LRRC4C: variants seen among roughly 807,000 people sequenced by gnomAD.
LRRC4C encodes leucine-rich repeat-containing protein 4C.
LRRC4C carries 5 observed loss-of-function variants against 33.6 expected under a neutral mutation model. The ratio of observed to expected loss-of-function variants is 0.15; its 90% confidence interval spans 0.08 to 0.31. LRRC4C has a LOEUF of 0.31. Among genes scored for constraint, LRRC4C ranks in the 10% least tolerant of loss-of-function variants. The pLI is 1.00. For synonymous variants in LRRC4C, 329 were observed against 302.0 expected (o/e 1.09, Z -0.93); for missense variants, 560 against 796.7 (o/e 0.70, Z 3.58).
At chr11:40,503,526 C>T (rs1032509661) in intron 3 of LRRC4C, among the ~76,000 whole-genome samples, 8 of 152,152 alleles carry the variant, frequency 5.3e-5, no homozygotes, top group Non-Finnish European at 8.8e-5. Flanking sequence ...TATGCACATT[C>T]TTAGATATTA....
At chr11:40,971,618 T>G (rs1010072451) in intron 1 of LRRC4C, among the ~76,000 whole-genome samples, 1 of 152,134 alleles carries the variant, frequency 6.6e-6, no homozygotes, top group Non-Finnish European at 1.5e-5. Context: ...GAGTTCCCAC[T>G]GGGGTACTGC....
chr11:40,652,646 G>T (rs1942875220), intron 2 of LRRC4C, among the ~76,000 whole-genome samples: 1 of 152,224 alleles, frequency 6.6e-6, no homozygotes. Context: ...CTCACGTCCA[G>T]CTAGGAGCAG....
At chr11:40,778,749 A>G (rs1316510863) in intron 2 of LRRC4C, among the ~76,000 whole-genome samples, 2 of 152,190 alleles carry the variant, frequency 1.3e-5, no homozygotes, top group Non-Finnish European at 2.9e-5. Context: ...TGTGTGGCAG[A>G]AATGTTATAC....
At position 40,116,284 on chromosome 11, in the gene LRRC4C, G is replaced by A; in HGVS notation, c.9C>T (p.Asn3=). 2 of 1,587,864 alleles carry A rather than the reference G, an allele frequency of 1.3e-6. No individual in the cohort carries two copies. The highest frequency in any genetic ancestry group is 8.6e-7 in the Non-Finnish European group (1 of 1,162,676). Residue 3 remains asparagine, a synonymous_variant, in exon 7 of 7, where the codon AAC becomes AAT. Transcript: ENST00000528697. ML[N]KMTLHPQQIM... ...TCTGCTGTGGATGTAAGGTCATCTT[G>A]TTCAACATTCATAATTTATCTGGTG...
At chr11:40,314,466 A>T (rs1319155681) in intron 4 of LRRC4C, among the ~76,000 whole-genome samples, 2 of 152,140 alleles carry the variant, frequency 1.3e-5, no homozygotes, top group East Asian at 3.9e-4. Context: ...AAACAAGTAC[A>T]ACCACCATGA....
chr11:40,480,290 C>CA (rs1565431204), intron 3 of LRRC4C, among the ~76,000 whole-genome samples: 1 of 149,740 alleles, frequency 6.7e-6, no homozygotes, highest in African/African-American at 2.5e-5. Flanking sequence ...CTTGCTTCTG[C>CA]TTTTTTTTTA....
intron 2 of LRRC4C, among the ~76,000 whole-genome samples, chr11:40,924,125 T>C (rs1165373801): frequency 6.7e-6 from 1 of 149,940 alleles, no homozygotes; most frequent in Admixed American, 6.7e-5. Flanking sequence ...TGTGTGTGTA[T>C]ATATATATAT....
At chr11:40,229,806 T>A (rs1288391866) in intron 5 of LRRC4C, among the ~76,000 whole-genome samples, 1 of 152,204 alleles carries the variant, frequency 6.6e-6, no homozygotes, top group Non-Finnish European at 1.5e-5. Flanking sequence ...AGACCTGATA[T>A]GCTCCAGATA....
At chr11:40,963,408 A>T (rs1234885250) in intron 1 of LRRC4C, among the ~76,000 whole-genome samples, 1 of 151,742 alleles carries the variant, frequency 6.6e-6, no homozygotes, top group Non-Finnish European at 1.5e-5. Context: ...TCAACATGGG[A>T]TAAATTGTTT....
chr11:40,854,060 C>T (rs780695313), intron 2 of LRRC4C, among the ~76,000 whole-genome samples: 2 of 152,090 alleles, frequency 1.3e-5, no homozygotes, highest in Non-Finnish European at 2.9e-5. Context: ...GTAGGCGTCA[C>T]AGAAAAAAAG....
At chr11:41,182,127 A>G (rs1047154546) in intron 1 of LRRC4C, among the ~76,000 whole-genome samples, 28 of 152,214 alleles carry the variant, frequency 1.8e-4, no homozygotes, top group Admixed American at 6.5e-5. Flanking sequence ...ACTTTTTTAA[A>G]GCAATTATAC....
At chr11:40,180,995 A>G (rs1860948880) in intron 5 of LRRC4C, among the ~76,000 whole-genome samples, 1 of 152,208 alleles carries the variant, frequency 6.6e-6, no homozygotes, top group Non-Finnish European at 1.5e-5. Flanking sequence ...TAATAGAGAC[A>G]GTAGTCTTGT....
chr11:40,212,748 G>A (rs1178876587), intron 5 of LRRC4C, among the ~76,000 whole-genome samples: 5 of 152,124 alleles, frequency 3.3e-5, no homozygotes, highest in Non-Finnish European at 7.3e-5. Flanking sequence ...AGGATGCTAA[G>A]TAACTTGTAC....
intron 3 of LRRC4C, among the ~76,000 whole-genome samples, chr11:40,507,900 T>C (rs2138688190): frequency 6.6e-6 from 1 of 152,098 alleles, no homozygotes; most frequent in East Asian, 1.9e-4. Flanking sequence ...CCACCACACC[T>C]GGTTAACTTT....
At chr11:40,757,330 T>C (rs1949002721) in intron 2 of LRRC4C, among the ~76,000 whole-genome samples, 1 of 152,064 alleles carries the variant, frequency 6.6e-6, no homozygotes, top group African/African-American at 2.4e-5. Context: ...CTATGTTATA[T>C]TATCCTTATT....
intron 2 of LRRC4C, among the ~76,000 whole-genome samples, chr11:40,681,854 C>T (rs1944705383): frequency 6.6e-6 from 1 of 152,078 alleles, no homozygotes; most frequent in Non-Finnish European, 1.5e-5. Flanking sequence ...AATGGAAAAC[C>T]AAACATCGTA....
chr11:40,847,199 G>A (rs1953224823), intron 2 of LRRC4C, among the ~76,000 whole-genome samples: 2 of 152,174 alleles, frequency 1.3e-5, no homozygotes, highest in African/African-American at 4.8e-5. Flanking sequence ...TAGGAGTGGT[G>A]AGAGAGGGCA....
At chr11:41,260,520 C>A (rs1348831838) in intron 1 of LRRC4C, among the ~76,000 whole-genome samples, 2 of 151,906 alleles carry the variant, frequency 1.3e-5, no homozygotes, top group African/African-American at 2.4e-5. Flanking sequence ...GAAATCAAAT[C>A]TTTACTTCCT....
At chr11:41,157,084 G>C (rs1400236326) in intron 1 of LRRC4C, among the ~76,000 whole-genome samples, 3 of 152,090 alleles carry the variant, frequency 2.0e-5, no homozygotes, top group East Asian at 1.9e-4. Flanking sequence ...ATCCTCACAA[G>C]AACCAAACCT....
Sources: gnomAD v4.1 joint callset for allele counts (sites outside exome capture counted in the v4.1 genomes callset) on GRCh38, gnomAD v4.1.1 for gene constraint, MANE v1.5 for transcripts, NCBI Gene and HGNC (gene_info 2026-07-23, HGNC 2026-07-21) for gene names.